Variants in PTPRG observed in about 807,000 individuals in gnomAD.
PTPRG encodes the protein protein tyrosine phosphatase receptor type G.
Under a neutral mutation model 165.3 loss-of-function variants are expected in PTPRG, and 102 were observed. The observed-to-expected ratio is 0.62, with a 90% CI of 0.53 to 0.73. The LOEUF is 0.73. Among genes scored for constraint, PTPRG ranks in the 30% least tolerant of loss-of-function variants. The pLI, the probability that PTPRG is intolerant of heterozygous loss-of-function variation, is 0.00. For synonymous variants in PTPRG, 675 were observed against 669.5 expected (o/e 1.01, Z -0.13); for missense variants, 1,866 against 1,861.4 (o/e 1.00, Z -0.05).
At chr3:61,912,370 TG>T (rs1464353389) in intron 2 of PTPRG, among the ~76,000 whole-genome samples, 3 of 152,162 alleles carry the variant, frequency 2.0e-5, no homozygotes, top group Non-Finnish European at 4.4e-5. Context: ...GGTGTTTTCT[TG>T]GTTCCCTTTT....
At chr3:61,900,669 C>T (rs558259847) in intron 2 of PTPRG, among the ~76,000 whole-genome samples, 1 of 152,300 alleles carries the variant, frequency 6.6e-6, no homozygotes, top group South Asian at 2.1e-4. Context: ...AGCTTATTTT[C>T]CACCTCCAAA....
At chr3:61,824,988 G>A (rs1575695656) in intron 2 of PTPRG, among the ~76,000 whole-genome samples, 2 of 152,188 alleles carry the variant, frequency 1.3e-5, no homozygotes, top group South Asian at 4.1e-4. Context: ...GTGTGGTCTT[G>A]AAGCTGCCAT....
At chr3:62,157,031 C>A in intron 6 of PTPRG, 36 bp from the exon 7 acceptor site, 1 of 1,550,720 alleles carries the variant, frequency 6.4e-7, no homozygotes, top group South Asian at 1.1e-5. Flanking sequence ...GCATGACTTA[C>A]CATTGTGCTT....
chr3:61,949,758 GAGA>G (rs2039854145), intron 2 of PTPRG, among the ~76,000 whole-genome samples: 1 of 150,340 alleles, frequency 6.7e-6, no homozygotes, highest in African/African-American at 2.4e-5. Flanking sequence ...GTTTGTTTTG[GAGA>G]AGAAGTCTCG....
intron 5 of PTPRG, chr3:62,124,707 T>C: frequency 1.7e-6 from 1 of 595,264 alleles, no homozygotes; most frequent in Admixed American, 2.9e-5. Context: ...GGCACCGGAC[T>C]TGGCTCAGAA....
intron 2 of PTPRG, among the ~76,000 whole-genome samples, chr3:61,799,508 T>C (rs2035169259): frequency 6.6e-6 from 1 of 152,206 alleles, no homozygotes; most frequent in African/African-American, 2.4e-5. Flanking sequence ...TTGTTCTTAA[T>C]GACCTTGGCA....
chr3:61,813,353 A>T (rs1285513479), intron 2 of PTPRG, among the ~76,000 whole-genome samples: 2 of 150,448 alleles, frequency 1.3e-5, no homozygotes, highest in African/African-American at 4.9e-5. Context: ...AAAATAGAAA[A>T]AAAATAGAAA....
chr3:61,621,320 C>G (rs1349321060), intron 1 of PTPRG, among the ~76,000 whole-genome samples: 2 of 152,048 alleles, frequency 1.3e-5, no homozygotes, highest in Non-Finnish European at 1.5e-5. Flanking sequence ...TTCCATCCTG[C>G]AGGGATCTTG....
rs553127630 is a variant in PTPRG, at chr3:61,620,538, G to GT, written c.85+58174dup. Among the ~76,000 whole-genome samples, 256 of 151,872 alleles carry GT rather than the reference G, an allele frequency of 1.7e-3. 1 individual carries two copies. In the Middle Eastern group the frequency reaches 0.037, roughly 22 times the overall value. On this transcript the variant is annotated intron_variant, in intron 1 of 29. Transcript: ENST00000474889. ...GGAGAGACTGAAATGAAACTTGAGGGTTTTTTTTGTTCCTCGTCCGGTGAA... is the reference window on the plus strand; with the variant it reads ...GGAGAGACTGAAATGAAACTTGAGGGTTTTTTTTTGTTCCTCGTCCGGTGAA...
intron 2 of PTPRG, among the ~76,000 whole-genome samples, chr3:61,907,233 C>T (rs2107532424): frequency 6.6e-6 from 1 of 151,902 alleles, no homozygotes; most frequent in African/African-American, 2.4e-5. Flanking sequence ...GGTTTATACT[C>T]TTGCTAAGAA....
In PTPRG at chr3:62,294,100, A is replaced by G. The variant is rs1251401119; in HGVS notation, c.*793A>G. ...CCTAAAATCAGGGCTATCTTTAACA[A>G]TAGCAAGATAGCAATATTATATACA... On this transcript the variant is annotated 3_prime_UTR_variant, in exon 30 of 30. Coordinates refer to ENST00000474889, the MANE Select transcript of PTPRG (RefSeq NM_002841.4). 1 of 152,278 alleles carries G rather than the reference A, an allele frequency of 6.6e-6. No individual in the cohort carries two copies. Among genetic ancestry groups the G allele is most frequent in the African/African-American group, 2.4e-5 (1 of 41,444 alleles). 9.4% of individuals were successfully genotyped at this position (152,278 alleles called of 1,614,324 possible).
chr3:61,894,045 T>G (rs532812613), intron 2 of PTPRG, among the ~76,000 whole-genome samples: 5 of 152,122 alleles, frequency 3.3e-5, no homozygotes, highest in Admixed American at 2.0e-4. Context: ...TGGTCACGCC[T>G]CTAATCCCAG....
intron 2 of PTPRG, among the ~76,000 whole-genome samples, chr3:61,910,136 G>T (rs1413219336): frequency 6.6e-6 from 1 of 152,140 alleles, no homozygotes; most frequent in African/African-American, 2.4e-5. Flanking sequence ...AATTTTCAAA[G>T]TCTGTTCACA....
At chr3:61,838,130 G>T (rs367985064) in intron 2 of PTPRG, among the ~76,000 whole-genome samples, 3 of 152,340 alleles carry the variant, frequency 2.0e-5, no homozygotes, top group African/African-American at 7.2e-5. Flanking sequence ...TGAGATTTCA[G>T]ATGGTGAATG....
intron 2 of PTPRG, among the ~76,000 whole-genome samples, chr3:61,824,076 A>G (rs1321634833): frequency 6.6e-6 from 1 of 152,066 alleles, no homozygotes; most frequent in Non-Finnish European, 1.5e-5. Flanking sequence ...GTGAGCCAAG[A>G]TCGCTCCACT....
At chr3:62,244,087 T>C (rs1254359495) in intron 15 of PTPRG, among the ~76,000 whole-genome samples, 189 bp downstream of exon 15, 1 of 152,158 alleles carries the variant, frequency 6.6e-6, no homozygotes, top group Non-Finnish European at 1.5e-5. Flanking sequence ...GGAAGTACAG[T>C]AGAAAAAAGG....
chr3:62,259,391 A>G (rs1163919200), intron 16 of PTPRG, among the ~76,000 whole-genome samples: 1 of 152,132 alleles, frequency 6.6e-6, no homozygotes, highest in African/African-American at 2.4e-5. Flanking sequence ...ATGAGAGCTG[A>G]TGAGCTAAAA....
At chr3:61,850,253 C>T (rs1487874475) in intron 2 of PTPRG, among the ~76,000 whole-genome samples, 1 of 152,184 alleles carries the variant, frequency 6.6e-6, no homozygotes, top group Non-Finnish European at 1.5e-5. Context: ...ACCCCCGCCT[C>T]CTGGGTTCAA....
At chr3:61,786,554 C>T (rs973987317) in intron 2 of PTPRG, among the ~76,000 whole-genome samples, 2 of 152,044 alleles carry the variant, frequency 1.3e-5, no homozygotes, top group Non-Finnish European at 2.9e-5. Flanking sequence ...GGAGAGTCAA[C>T]GTAGCGAAGA....
Sources: gnomAD v4.1 joint callset for allele counts (sites outside exome capture counted in the v4.1 genomes callset) on GRCh38, gnomAD v4.1.1 for gene constraint, MANE v1.5 for transcripts, NCBI Gene and HGNC (gene_info 2026-07-23, HGNC 2026-07-21) for gene names.